The following PLEKHN1 variants were observed in gnomAD, a reference collection of about 807,000 sequenced individuals.
PLEKHN1 encodes the protein pleckstrin homology domain-containing family N member 1.
Under a neutral mutation model 72.8 loss-of-function variants are expected in PLEKHN1, and 68 were observed. The observed-to-expected ratio is 0.93, with a 90% CI of 0.77 to 1.14. PLEKHN1 has a LOEUF of 1.14. Ranked by LOEUF, PLEKHN1 falls within the 50% of genes most tolerant of loss-of-function variation. The pLI, the probability that PLEKHN1 is intolerant of heterozygous loss-of-function variation, is 0.00. For missense variants in PLEKHN1, 1,015 were observed against 840.5 expected, an observed-to-expected ratio of 1.21 and a Z score of -2.57; for synonymous variants, 454 against 371.6, an observed-to-expected ratio of 1.22 and a Z score of -2.55.
intron 8 of PLEKHN1, among the ~76,000 whole-genome samples, chr1:971,711 T>C (rs900169480): frequency 6.6e-6 from 1 of 152,170 alleles, no homozygotes; most frequent in African/African-American, 2.4e-5. Context: ...CACACGTGCG[T>C]GTGCGTGTGT....
chr1:971,306 C>T lies in PLEKHN1; in HGVS notation c.709-18C>T, dbSNP rs776844957. 2 of 1,554,264 alleles carry T rather than the reference C, an allele frequency of 1.3e-6. No individual in the cohort carries two copies. Among genetic ancestry groups the T allele is most frequent in the Non-Finnish European group, 8.7e-7 (1 of 1,147,086 alleles). On this transcript the variant is annotated intron_variant, in intron 7 of 15. Transcript: ENST00000379410. ...AGCTCAGTTCCCTCATCGCCTGACC[C>T]CACCCCCACCCACCCAGGAGCAGTG...
chr1:971,220 G>A lies in PLEKHN1; in HGVS notation c.708+12G>A, dbSNP rs1643309797. On this transcript the variant is annotated intron_variant, in intron 7 of 15. Transcript: ENST00000379410. ...ACCTGCCCGCACAGGTGGGTGGGAG[G>A]TGCGTGGGGCTGTAGGGGGATGGGA... 4 of 1,569,338 alleles carry A rather than the reference G, an allele frequency of 2.5e-6. No individual in the cohort carries two copies. The highest frequency in any genetic ancestry group is 3.5e-6 in the Non-Finnish European group (4 of 1,157,476).
chr1:970,382 G>A lies in PLEKHN1; in HGVS notation c.289G>A (p.Val97Met), dbSNP rs1019747495. The A allele has an allele frequency of 2.5e-5, 41 of 1,613,410 alleles. No individual in the cohort carries two copies. The highest frequency in any genetic ancestry group is 3.2e-5 in the Non-Finnish European group (38 of 1,179,950). ...GCCTGTGAGGAACCTGGGAAAAGTTGTGCATTACGCCAAGGTCCAGCTGCG... is the reference window on the plus strand; with the variant it reads ...GCCTGTGAGGAACCTGGGAAAAGTTATGCATTACGCCAAGGTCCAGCTGCG... ...RVPVRNLGKV[V>M]HYAKVQLRFQ... The change falls in exon 3 of 16, where the codon GTG (valine) becomes ATG (methionine). Residue 97 changes from valine to methionine, a missense_variant. Val to Met is a conservative substitution (Grantham distance 21). Coordinates refer to ENST00000379410, the MANE Select transcript of PLEKHN1 (RefSeq NM_032129.3). The surrounding 1 kb of genome is among the most constrained non-coding windows in gnomAD (Gnocchi z 4.2).
In PLEKHN1 at chr1:970,476, TG is replaced by T. The variant is rs778534995; in HGVS notation, c.331-41del. ...TAAGGGTGCAGCATCCCCATCAGCC[TG>T]GGGCTCCCCAGACTCCGCACTGACG... On this transcript the variant is annotated intron_variant, in intron 3 of 15. Coordinates refer to ENST00000379410, the MANE Select transcript of PLEKHN1 (RefSeq NM_032129.3). This position sits in a 1 kb window ranked among gnomAD's most constrained non-coding sequence, Gnocchi z 4.2. 3.1e-6 allele frequency: 5 copies of T among 1,613,098 alleles called. No homozygotes were observed. In the East Asian group the frequency reaches 8.9e-5, roughly 29 times the overall value.
chr1:969,531 C>T (rs1047155869), intron 2 of PLEKHN1, among the ~76,000 whole-genome samples: 13 of 151,424 alleles, frequency 8.6e-5, no homozygotes, highest in African/African-American at 7.3e-5. Flanking sequence ...TATGTGTGCA[C>T]GTGTGTATGT....
intron 8 of PLEKHN1, 73 bp downstream of exon 8, chr1:971,477 G>A (rs1643325515): frequency 7.3e-7 from 1 of 1,360,588 alleles, no homozygotes; most frequent in Non-Finnish European, 1.0e-6. Flanking sequence ...AGCCATGCAG[G>A]AGGAACCTGT....
chr1:968,719 C>G (rs1451967278), intron 2 of PLEKHN1, among the ~76,000 whole-genome samples: 1 of 152,182 alleles, frequency 6.6e-6, no homozygotes, highest in African/African-American at 2.4e-5. Context: ...TTTAGAAAGG[C>G]TTTCAGAAAA....
rs768226033 is a variant in PLEKHN1, at chr1:973,573, A to G, written c.1367A>G (p.Tyr456Cys). Reference sequence around the variant, plus strand: ...TCGGAAACATCACACTCGCCCCTCTATGCCGACCCCTACACACCACCCGCC... The same window carrying G: ...TCGGAAACATCACACTCGCCCCTCTGTGCCGACCCCTACACACCACCCGCC... ...HTSETSHSPL[Y>C]ADPYTPPATS... The change falls in exon 13 of 16, where the codon TAT (tyrosine) becomes TGT (cysteine). Residue 456 changes from tyrosine (Y) to cysteine (C), a missense_variant. Coordinates refer to ENST00000379410, the MANE Select transcript of PLEKHN1 (RefSeq NM_032129.3). The G allele has an allele frequency of 1.2e-6, 2 of 1,612,942 alleles. No homozygotes were observed. The highest frequency in any genetic ancestry group is 1.1e-5 in the South Asian group (1 of 91,040).
Position 971,364 on chromosome 1 carries a change from T to C in PLEKHN1, c.749T>C (p.Leu250Ser). 1.3e-6 allele frequency: 2 copies of C among 1,591,978 alleles called. No homozygotes were observed. The highest frequency in any genetic ancestry group is 2.3e-5 in the East Asian group (1 of 43,754). ...CTCTTGGTCCTGTACCCAACGTCCT[T>C]GGCCATTTTCTCCGAGGAGCTGGAC... ...DRLLVLYPTS[L>S]AIFSEELDGL... The change falls in exon 8 of 16, where the codon TTG becomes TCG. Residue 250 changes from leucine (L) to serine (S), a missense_variant. Leu to Ser is a moderately radical substitution (Grantham distance 145). Coordinates refer to ENST00000379410, the MANE Select transcript of PLEKHN1 (RefSeq NM_032129.3).
chr1:973,096 C>A, intron 11 of PLEKHN1, 86 bp downstream of exon 11: 1 of 1,513,226 alleles, frequency 6.6e-7, no homozygotes, highest in South Asian at 1.3e-5. Flanking sequence ...CTCAGGGGAA[C>A]TCAGACTGGA....
At chr1:967,153 G>T (rs2100446156) in intron 2 of PLEKHN1, among the ~76,000 whole-genome samples, 1 of 152,296 alleles carries the variant, frequency 6.6e-6, no homozygotes, top group East Asian at 1.9e-4. Context: ...GAGAGTAAGG[G>T]GCCTCAGATG....
intron 7 of PLEKHN1, 45 bp from the exon 8 acceptor site, chr1:971,279 G>A (rs1422331796): frequency 1.9e-6 from 3 of 1,555,172 alleles, no homozygotes; most frequent in Non-Finnish European, 2.6e-6. Flanking sequence ...CGGTGCAACA[G>A]CAGCTCAGTT....
rs777344512 is a variant in PLEKHN1, at chr1:972,379, G to T, written c.957G>T (p.Glu319Asp). The T allele has an allele frequency of 6.3e-7, 1 of 1,585,342 alleles. No homozygotes were observed. Among genetic ancestry groups the T allele is most frequent in the South Asian group, 1.1e-5 (1 of 87,606 alleles). ...GCCTTCGCGCTGTCACCCACAGGGA[G>T]GGGGCCCCGCCGCTGCCTGGTGCCG... ...LLCLRAVTHR[E>D]GAPPLPGAES... Residue 319 changes from glutamate (E) to aspartate (D), a missense_variant, in exon 10 of 16, where the codon GAG (glutamate) becomes GAT (aspartate). Transcript: ENST00000379410.
chr1:966,634 G>C lies in PLEKHN1; in HGVS notation c.83+20G>C, dbSNP rs781225167. The C allele has an allele frequency of 1.4e-5, 22 of 1,601,094 alleles. No individual in the cohort carries two copies. Among genetic ancestry groups the C allele is most frequent in the Non-Finnish European group, 1.8e-5 (21 of 1,173,034 alleles). On this transcript the variant is annotated intron_variant, in intron 1 of 15. Transcript: ENST00000379410. Reference sequence around the variant, plus strand: ...AAACAGGTGAGCGGGGCGTGGGTGCGGCCACCTGGGCGCAGGGCTCCCCCA... The same window carrying C: ...AAACAGGTGAGCGGGGCGTGGGTGCCGCCACCTGGGCGCAGGGCTCCCCCA...
rs374321755 is a variant in PLEKHN1, at chr1:971,065, T to A, written c.613-48T>A. 40 of 1,575,608 alleles carry A rather than the reference T, an allele frequency of 2.5e-5. 1 individual carries two copies. In the Middle Eastern group the frequency reaches 6.7e-4, roughly 26 times the overall value. On this transcript the variant is annotated intron_variant, in intron 6 of 15. Transcript: ENST00000379410. ...CTGATCCTCGCAGCCGGCTCTGACC[T>A]CCTCCTCACAGGGGTCCTGCGGAGA...
intron 2 of PLEKHN1, among the ~76,000 whole-genome samples, chr1:969,499 T>G (rs1231756870): frequency 6.6e-6 from 1 of 151,990 alleles, no homozygotes; most frequent in Non-Finnish European, 1.5e-5. Flanking sequence ...TGTGTGTGCA[T>G]GTGTGTATAG....
chr1:973,716 C>T, intron 13 of PLEKHN1, 76 bp downstream of exon 13: 1 of 1,577,754 alleles, frequency 6.3e-7, no homozygotes, highest in South Asian at 1.1e-5. Flanking sequence ...GACCGTGCGT[C>T]TCACCCTGGG....
chr1:967,969 G>C (rs2100450204), intron 2 of PLEKHN1, among the ~76,000 whole-genome samples: 1 of 152,316 alleles, frequency 6.6e-6, no homozygotes, highest in Admixed American at 6.5e-5. Flanking sequence ...AGGAGCTCTG[G>C]GCCAGTCCTA....
chr1:974,671 C>A lies in PLEKHN1; in HGVS notation c.*96C>A. 6.9e-7 allele frequency: 1 copy of A among 1,439,130 alleles called. No homozygotes were observed. Among genetic ancestry groups the A allele is most frequent in the Non-Finnish European group, 9.3e-7 (1 of 1,079,730 alleles). The allele number at this position is 1,439,130 out of a possible 1,614,324, so 89.1% of individuals were successfully genotyped here. A position where few individuals can be genotyped will look rare whatever the true frequency, so the allele number is the denominator to read the frequency against. ...TCAAATTACAAGTCAGGGTCTGAAC[C>A]CAGTGTGATGGGGGGAGTCTCTGGG... On this transcript the variant is annotated 3_prime_UTR_variant, in exon 16 of 16. Transcript: ENST00000379410.
Sources: allele counts gnomAD v4.1 joint callset (sites outside exome capture counted in the v4.1 genomes callset), GRCh38; gene constraint gnomAD v4.1.1; non-coding constraint Gnocchi (gnomAD v3.1); transcripts MANE v1.5; gene names NCBI Gene and HGNC (gene_info 2026-07-23, HGNC 2026-07-21).